ASNS: variants seen among roughly 807,000 people sequenced by gnomAD.
ASNS encodes asparagine synthetase (glutamine-hydrolyzing).
ASNS carries 37 observed loss-of-function variants against 62.6 expected under a neutral mutation model. The ratio of observed to expected loss-of-function variants is 0.59; its 90% CI spans 0.45 to 0.78. The LOEUF is 0.78. Among genes scored for constraint, ASNS ranks in the 30% least tolerant of loss-of-function variants. The pLI is 0.00. For missense variants in ASNS, 520 were observed against 682.4 expected, an observed-to-expected ratio of 0.76 and a Z score of 2.65; for synonymous variants, 207 against 237.9, an observed-to-expected ratio of 0.87 and a Z score of 1.19.
rs766097318 is a variant in ASNS, at chr7:97,855,367, T to G, written c.1123A>C (p.Ile375Leu). 1.2e-6 allele frequency: 2 copies of G among 1,611,376 alleles called. No homozygotes were observed. The highest frequency in any genetic ancestry group is 1.7e-6 in the Non-Finnish European group (2 of 1,178,152). ...EGSDELTQGY[I>L]YFHKAPSPEK... Reference sequence around the variant, plus strand: ...AGAGTGGTTACCTTGTGAAAATATATGTAACCCTGCGTAAGTTCATCTGAT... The same window carrying G: ...AGAGTGGTTACCTTGTGAAAATATAGGTAACCCTGCGTAAGTTCATCTGAT... Residue 375 changes from isoleucine to leucine, a missense_variant, in exon 9 of 13, where the codon ATA (isoleucine) becomes CTA (leucine). Coordinates refer to ENST00000394308, the MANE Select transcript of ASNS (RefSeq NM_001673.5).
the ASNS span, among the ~76,000 whole-genome samples, chr7:97,890,743 T>C: frequency 1.4e-4 from 21 of 151,944 alleles, no homozygotes; most frequent in African/African-American, 5.1e-4. Flanking sequence ...TGAGACTCCA[T>C]TGCTAAAAAA....
At chr7:97,897,531 G>A in the ASNS span, among the ~76,000 whole-genome samples, 1 of 152,084 alleles carries the variant, frequency 6.6e-6, no homozygotes, top group African/African-American at 2.4e-5. Flanking sequence ...TAATCATCAC[G>A]GAAATGCAAA....
At chr7:97,894,235 G>A in the ASNS span, among the ~76,000 whole-genome samples, 1 of 151,864 alleles carries the variant, frequency 6.6e-6, no homozygotes, top group South Asian at 2.1e-4. Flanking sequence ...TAGGAGAAAA[G>A]TTTATATCAA....
the ASNS span, among the ~76,000 whole-genome samples, chr7:97,890,036 A>G: frequency 6.6e-6 from 1 of 151,920 alleles, no homozygotes; most frequent in Non-Finnish European, 1.5e-5. Context: ...AAATCCTGGA[A>G]GAGAATAAAT....
chr7:97,920,057 G>C, the ASNS span, among the ~76,000 whole-genome samples: 76 of 151,594 alleles, frequency 5.0e-4, no homozygotes, highest in Non-Finnish European at 5.0e-4. Flanking sequence ...GCCCAGGCTG[G>C]AGTACAGTGG....
In ASNS at chr7:97,853,060, C is replaced by G; in HGVS notation, c.1476G>C (p.Gln492His). The stretch of plus-strand genomic sequence containing the variant: ...GAAAATGTTTTTAAAGACATTATAC[C>G]TGATGTTCAACGTATTCCTGTAAAA... ...FKILQEYVEH[Q>H]VDDAMMANAA... Residue 492 changes from glutamine to histidine, a missense_variant and splice_region_variant, in exon 12 of 13, where the codon CAG becomes CAC. Coordinates refer to ENST00000394308, the MANE Select transcript of ASNS (RefSeq NM_001673.5). 1 of 1,564,226 alleles carries G rather than the reference C, an allele frequency of 6.4e-7. No individual in the cohort carries two copies. The highest frequency in any genetic ancestry group is 8.6e-7 in the Non-Finnish European group (1 of 1,158,530).
At chr7:97,865,502 A>G (rs1349648199) in intron 3 of ASNS, among the ~76,000 whole-genome samples, 1 of 152,152 alleles carries the variant, frequency 6.6e-6, no homozygotes, top group Non-Finnish European at 1.5e-5. Context: ...GCTCTCTTTG[A>G]TTTTATAAAC....
chr7:97,868,779 G>C (rs1792102483), intron 3 of ASNS, 129 bp downstream of exon 3: 2 of 1,347,096 alleles, frequency 1.5e-6, no homozygotes, highest in Non-Finnish European at 2.0e-6. Context: ...TACATACTTA[G>C]AGCAAATGAG....
intron 4 of ASNS, among the ~76,000 whole-genome samples, chr7:97,861,556 A>G (rs183676798): frequency 2.6e-5 from 4 of 152,246 alleles, no homozygotes; most frequent in African/African-American, 7.2e-5. Context: ...TATTGTCCTT[A>G]TTACCATTGT....
intron 4 of ASNS, among the ~76,000 whole-genome samples, chr7:97,862,373 T>G (rs1023741978): frequency 3.3e-5 from 5 of 152,140 alleles, no homozygotes; most frequent in Non-Finnish European, 7.4e-5. Flanking sequence ...ACATACTATA[T>G]GATTACAACT....
At chr7:97,867,963 C>T (rs1242865638) in intron 3 of ASNS, among the ~76,000 whole-genome samples, 1 of 152,098 alleles carries the variant, frequency 6.6e-6, no homozygotes, top group Non-Finnish European at 1.5e-5. Context: ...CAAGAAGTCT[C>T]AAAAAATACC....
chr7:97,878,737 C>T, the ASNS span, among the ~76,000 whole-genome samples: 2 of 152,118 alleles, frequency 1.3e-5, no homozygotes, highest in Non-Finnish European at 2.9e-5. Flanking sequence ...TTTATAGATT[C>T]AATGCCATCC....
At chr7:97,896,025 C>A in the ASNS span, among the ~76,000 whole-genome samples, 1 of 150,410 alleles carries the variant, frequency 6.6e-6, no homozygotes, top group African/African-American at 2.4e-5. Flanking sequence ...CAATGAAAAC[C>A]ACAAAACGCT....
At chr7:97,904,019 A>C in the ASNS span, among the ~76,000 whole-genome samples, 9 of 152,228 alleles carry the variant, frequency 5.9e-5, no homozygotes, top group African/African-American at 2.2e-4. Context: ...CCGTTTAATC[A>C]ATGTCTCTTC....
the ASNS span, among the ~76,000 whole-genome samples, chr7:97,897,792 A>T: frequency 6.6e-6 from 1 of 152,236 alleles, no homozygotes; most frequent in Non-Finnish European, 1.5e-5. Flanking sequence ...TATCAACGGG[A>T]TATCTGTACC....
chr7:97,886,547 A>G, the ASNS span, among the ~76,000 whole-genome samples: 1 of 152,122 alleles, frequency 6.6e-6, no homozygotes, highest in Non-Finnish European at 1.5e-5. Context: ...CCCTTGCCCT[A>G]TCAAAGAGAA....
chr7:97,878,242 G>T, the ASNS span, among the ~76,000 whole-genome samples: 1 of 152,286 alleles, frequency 6.6e-6, no homozygotes, highest in East Asian at 1.9e-4. Context: ...ACAAAAATTA[G>T]CTGGGAGTGG....
At chr7:97,908,394 T>G in the ASNS span, 1 of 152,238 alleles carries the variant, frequency 6.6e-6, no homozygotes, top group Admixed American at 6.5e-5. Flanking sequence ...ATCTTCATAT[T>G]AATAGTTGGA....
At chr7:97,892,931 A>C in the ASNS span, among the ~76,000 whole-genome samples, 4 of 152,220 alleles carry the variant, frequency 2.6e-5, no homozygotes, top group African/African-American at 9.7e-5. Context: ...CCACATATTC[A>C]GGTATCTTTT....
Sources: allele counts gnomAD v4.1 joint callset (sites outside exome capture counted in the v4.1 genomes callset), GRCh38; gene constraint gnomAD v4.1.1; transcripts MANE v1.5; gene names NCBI Gene and HGNC (gene_info 2026-07-23, HGNC 2026-07-21).